The following COPB2 variants were observed in gnomAD, a reference collection of about 807,000 sequenced individuals.
The protein encoded by COPB2 is coatomer subunit beta'.
COPB2 carries 16 observed loss-of-function variants against 120.8 expected under a neutral mutation model. The ratio of observed to expected loss-of-function variants is 0.13; its 90% CI spans 0.09 to 0.20. The LOEUF is 0.20. Among genes scored for constraint, COPB2 ranks in the 10% least tolerant of loss-of-function variants. The probability of loss-of-function intolerance (pLI) is 1.00; values close to 1 mark genes in which losing one functional copy is unlikely to be tolerated. For missense variants in COPB2, 794 were observed against 1,076.5 expected (o/e 0.74, Z 3.67); for synonymous variants, 332 against 366.3 (o/e 0.91, Z 1.07).
At chr3:139,384,013 A>C (rs569717600) in intron 1 of COPB2, among the ~76,000 whole-genome samples, 16 of 152,316 alleles carry the variant, frequency 1.1e-4, no homozygotes, top group African/African-American at 3.8e-4. Context: ...TAATGTCTAC[A>C]AAATAATGCC....
intron 1 of COPB2, among the ~76,000 whole-genome samples, chr3:139,387,634 T>C (rs1281365497): frequency 6.6e-6 from 1 of 152,208 alleles, no homozygotes; most frequent in Non-Finnish European, 1.5e-5. Context: ...TCATTGCTTA[T>C]ACATGTCTTT....
chr3:139,359,799 A>AT (rs527987536), intron 17 of COPB2, among the ~76,000 whole-genome samples: 11 of 151,702 alleles, frequency 7.3e-5, no homozygotes, highest in African/African-American at 2.7e-4. Flanking sequence ...TTTTAATTTC[A>AT]TTTTTTTTCT....
chr3:139,363,417 CTT>C (rs988660020), intron 15 of COPB2, among the ~76,000 whole-genome samples: 1 of 152,174 alleles, frequency 6.6e-6, no homozygotes, highest in African/African-American at 2.4e-5. Context: ...TTATGAGACT[CTT>C]AATGCCTGAC....
chr3:139,374,126 TATATA>T, intron 7 of COPB2: 1 of 428,542 alleles, frequency 2.3e-6, no homozygotes, highest in Non-Finnish European at 4.2e-6. Context: ...ATGAAGCAGA[TATATA>T]TGTTTCCATT....
chr3:139,377,998 G>A (rs1179828406), intron 5 of COPB2, 43 bp downstream of exon 5: 10 of 1,480,192 alleles, frequency 6.8e-6, no homozygotes, highest in Non-Finnish European at 8.2e-6. Context: ...GGCAAGTATA[G>A]TTCACTAATA....
intron 2 of COPB2, chr3:139,379,990 CTTTTTTTCTTTTCTTTTTT>C (rs898661672): frequency 1.5e-5 from 2 of 134,470 alleles, no homozygotes; most frequent in African/African-American, 5.8e-5. Flanking sequence ...CTCTTAGTTT[CTTTTTTTCTTTTCTTTTTT>C]TTTTTTTTTT....
chr3:139,379,286 A>C, intron 3 of COPB2, 94 bp downstream of exon 3: 1 of 1,565,388 alleles, frequency 6.4e-7, no homozygotes, highest in Non-Finnish European at 8.8e-7. Flanking sequence ...GCTGTAAATA[A>C]CAAAACAAAT....
At chr3:139,358,597 C>G in intron 20 of COPB2, 147 bp downstream of exon 20, 1 of 635,084 alleles carries the variant, frequency 1.6e-6, no homozygotes, top group Admixed American at 2.8e-5. Flanking sequence ...AGGAGAATGG[C>G]GTGAACCCGG....
At chr3:139,374,325 T>C (rs1576375360) in intron 7 of COPB2, 164 bp downstream of exon 7, 1 of 572,526 alleles carries the variant, frequency 1.7e-6, no homozygotes, top group Admixed American at 3.0e-5. Context: ...ATGATGATGA[T>C]GATGAAAATA....
Position 139,373,406 on chromosome 3 carries a change from G to C in COPB2, c.901C>G (p.Arg301Gly). 6.2e-7 allele frequency: 1 copy of C among 1,613,858 alleles called. No individual in the cohort carries two copies. Among genetic ancestry groups the C allele is most frequent in the Non-Finnish European group, 8.5e-7 (1 of 1,179,952 alleles). The change falls in exon 9 of 22, where the codon CGG (arginine) becomes GGG (glycine). Residue 301 changes from arginine (R) to glycine (G), a missense_variant. Arg to Gly is a moderately radical substitution (Grantham distance 125). Coordinates refer to ENST00000333188, the MANE Select transcript of COPB2 (RefSeq NM_004766.3). ...TCCATGGACATGGCAGGTTCCTCCCGACCAAGCTGAAAGAAAGAAAAATAG... is the reference window on the plus strand; with the variant it reads ...TCCATGGACATGGCAGGTTCCTCCCCACCAAGCTGAAAGAAAGAAAAATAG... ...DEGSIIVKLGREEPAMSMDAN... is the reference protein window; with the variant it reads ...DEGSIIVKLGGEEPAMSMDAN...
chr3:139,381,063 T>C (rs1340564413), intron 2 of COPB2: 1 of 152,240 alleles, frequency 6.6e-6, no homozygotes, highest in Non-Finnish European at 1.5e-5. Flanking sequence ...AATACTTATA[T>C]GGTACTTTAT....
chr3:139,358,246 G>A lies in COPB2; in HGVS notation c.2579C>T (p.Pro860Leu). 2.5e-6 allele frequency: 4 copies of A among 1,613,944 alleles called. No homozygotes were observed. The highest frequency in any genetic ancestry group is 3.4e-6 in the Non-Finnish European group (4 of 1,179,996). The change falls in exon 21 of 22, where the codon CCT (proline) becomes CTT (leucine). Residue 860 changes from proline to leucine, a missense_variant. Around this residue, in one of 3 missense-constraint regions of COPB2, gnomAD observed 178 missense variants for 183.2 expected, o/e 0.97. Coordinates refer to ENST00000333188, the MANE Select transcript of COPB2 (RefSeq NM_004766.3). ...GTGGGAGGCCACAATAACCGGAGTA[G>A]GAGAAGCAGGTTTCCCATCAAGTTC... ...QQELDGKPAS[P>L]TPVIVASHTA...
intron 20 of COPB2, 50 bp downstream of exon 20, chr3:139,358,694 A>G: frequency 7.4e-7 from 1 of 1,344,968 alleles, no homozygotes; most frequent in Admixed American, 1.7e-5. Flanking sequence ...AGAAAAAAAA[A>G]AAAAGTGAAC....
chr3:139,388,636 T>C (rs1941983284), intron 1 of COPB2, among the ~76,000 whole-genome samples: 2 of 149,554 alleles, frequency 1.3e-5, no homozygotes, highest in African/African-American at 4.9e-5. Context: ...GTTTTTTTTT[T>C]TTTTTTTTTG....
intron 5 of COPB2, among the ~76,000 whole-genome samples, chr3:139,377,830 C>A (rs550961193): frequency 6.6e-6 from 1 of 152,158 alleles, no homozygotes; most frequent in Non-Finnish European, 1.5e-5. Context: ...CACAGAAAAA[C>A]GCTCCTCATT....
intron 15 of COPB2, among the ~76,000 whole-genome samples, chr3:139,365,762 G>A (rs1033293533): frequency 1.3e-5 from 2 of 152,102 alleles, no homozygotes; most frequent in African/African-American, 2.4e-5. Flanking sequence ...AGCAAAGGGG[G>A]GAAAAAGACA....
At position 139,358,829 on chromosome 3, in the gene COPB2, CAAT is replaced by C; in HGVS notation, c.2485-20_2485-18del. 1 of 1,602,914 alleles carries C rather than the reference CAAT, an allele frequency of 6.2e-7. No homozygotes were observed. Among genetic ancestry groups the C allele is most frequent in the South Asian group, 1.1e-5 (1 of 90,878 alleles). On this transcript the variant is annotated intron_variant, in intron 19 of 21. Coordinates refer to ENST00000333188, the MANE Select transcript of COPB2 (RefSeq NM_004766.3). ...TTCATTTGGCTATCAGAGAATAAAG[CAAT>C]GATGAAATGAGATATTCTGAAATCA...
chr3:139,372,953 G>A (rs557195421), intron 9 of COPB2, among the ~76,000 whole-genome samples: 27 of 152,248 alleles, frequency 1.8e-4, no homozygotes, highest in East Asian at 5.8e-4. Context: ...CAATGCATGC[G>A]AAATAACAGG....
Position 139,369,550 on chromosome 3 carries a change from AG to A in COPB2, c.1206-7del. 6.4e-7 allele frequency: 1 copy of A among 1,568,818 alleles called. No individual in the cohort carries two copies. The highest frequency in any genetic ancestry group is 8.7e-7 in the Non-Finnish European group (1 of 1,149,052). ...TGCTCTCTCTTATTGCATACCTGGG[AG>A]AAAAAAGGGAAGGCAAACATAACAT... On this transcript the variant is annotated splice_polypyrimidine_tract_variant and splice_region_variant and intron_variant, in intron 10 of 21. Transcript: ENST00000333188.
Sources: allele counts gnomAD v4.1 joint callset (sites outside exome capture counted in the v4.1 genomes callset), GRCh38; gene constraint gnomAD v4.1.1; regional missense constraint gnomAD v4.1.1; transcripts MANE v1.5; gene names NCBI Gene and HGNC (gene_info 2026-07-23, HGNC 2026-07-21).